Variants in FGGY observed in about 807,000 individuals in gnomAD.
FGGY encodes the protein FGGY carbohydrate kinase domain-containing protein.
Under a neutral mutation model 71.3 loss-of-function variants are expected in FGGY, and 72 were observed. The observed-to-expected ratio is 1.01, with a 90% CI of 0.84 to 1.23. The LOEUF (loss-of-function observed/expected upper bound fraction) is 1.23. Among genes scored for constraint, FGGY ranks in the 50% most tolerant of loss-of-function variants. The pLI, the probability that FGGY is intolerant of heterozygous loss-of-function variation, is 0.00. For synonymous variants in FGGY, 251 were observed against 250.3 expected (o/e 1.00, Z -0.02); for missense variants, 668 against 682.3 (o/e 0.98, Z 0.23).
chr1:59,574,820 C>T (rs1030202098), intron 8 of FGGY, among the ~76,000 whole-genome samples: 2 of 151,898 alleles, frequency 1.3e-5, no homozygotes, highest in African/African-American at 4.8e-5. Flanking sequence ...ATGAATAATA[C>T]CTGTGAGATT....
chr1:59,591,880 C>G (rs1431437904), intron 8 of FGGY, among the ~76,000 whole-genome samples: 1 of 152,130 alleles, frequency 6.6e-6, no homozygotes, highest in East Asian at 1.9e-4. Context: ...TAGGCATGGG[C>G]AAGGACTTCA....
At chr1:59,541,948 A>G (rs935293482) in intron 7 of FGGY, among the ~76,000 whole-genome samples, 1 of 152,200 alleles carries the variant, frequency 6.6e-6, no homozygotes, top group African/African-American at 2.4e-5. Context: ...TAAGAATTAA[A>G]TAAGTTAATT....
intron 5 of FGGY, among the ~76,000 whole-genome samples, chr1:59,417,915 G>A (rs1293959828): frequency 1.3e-5 from 2 of 152,152 alleles, no homozygotes; most frequent in Non-Finnish European, 2.9e-5. Context: ...TGCTGTGTGT[G>A]GATAGTGGCT....
In FGGY at chr1:59,378,799, G is replaced by A. The variant is rs835435; in HGVS notation, c.516G>A (p.Pro172=). The change falls in exon 5 of 16, where the codon CCG becomes CCA. Residue 172 remains proline, a synonymous_variant. Transcript: ENST00000303721. ...AGGCGGGACATTTCTTTGATCTCCC[G>A]GACTTCTTATCGTGGAAGGCAACAG... The part of the protein sequence containing the change: ...WDKAGHFFDL[P]DFLSWKATGV... 0.4 allele frequency: 650,393 copies of A among 1,612,036 alleles called. 134,876 individuals are homozygous for A. The highest frequency in any genetic ancestry group is 0.63 in the African/African-American group (47,518 of 74,832).
intron 5 of FGGY, among the ~76,000 whole-genome samples, chr1:59,423,854 T>A (rs796766235): frequency 1.1e-4 from 17 of 152,352 alleles, no homozygotes; most frequent in African/African-American, 4.1e-4. Flanking sequence ...TATGCATTCT[T>A]TGATTCCTAC....
intron 9 of FGGY, among the ~76,000 whole-genome samples, chr1:59,615,500 A>G (rs2096742136): frequency 6.6e-6 from 1 of 152,334 alleles, no homozygotes; most frequent in African/African-American, 2.4e-5. Context: ...TTAATTCAAG[A>G]TGGATTAAAG....
At chr1:59,486,663 C>G in intron 6 of FGGY, among the ~76,000 whole-genome samples, 1 of 152,180 alleles carries the variant, frequency 6.6e-6, no homozygotes, top group East Asian at 1.9e-4. Context: ...TTCATCCTAG[C>G]TACCTTCTTA....
chr1:59,630,082 A>C (rs1317315443), intron 10 of FGGY, among the ~76,000 whole-genome samples: 1 of 152,078 alleles, frequency 6.6e-6, no homozygotes, highest in Non-Finnish European at 1.5e-5. Context: ...CCTTCTTCAC[A>C]TGGTGGCAAG....
chr1:59,659,392 C>A (rs1426315196), intron 11 of FGGY, among the ~76,000 whole-genome samples: 2 of 152,122 alleles, frequency 1.3e-5, no homozygotes, highest in African/African-American at 4.8e-5. Flanking sequence ...CATGTCCATA[C>A]CTGGTTGAGC....
intron 1 of FGGY, among the ~76,000 whole-genome samples, chr1:59,317,292 T>C (rs1349364940): frequency 1.3e-5 from 2 of 152,190 alleles, no homozygotes; most frequent in African/African-American, 4.8e-5. Flanking sequence ...CGCAAGAGAC[T>C]GTGGTTCAAA....
chr1:59,449,259 T>C (rs1409779332), intron 5 of FGGY, among the ~76,000 whole-genome samples: 6 of 152,272 alleles, frequency 3.9e-5, no homozygotes, highest in African/African-American at 1.4e-4. Context: ...CCACCTCAGC[T>C]TATTATTTGT....
intron 8 of FGGY, among the ~76,000 whole-genome samples, chr1:59,602,990 T>C (rs2096592064): frequency 6.6e-6 from 1 of 152,192 alleles, no homozygotes; most frequent in African/African-American, 2.4e-5. Flanking sequence ...GTGTCTGACA[T>C]ACAGTATGCA....
At chr1:59,701,655 C>T (rs374371139) in intron 14 of FGGY, among the ~76,000 whole-genome samples, 187 of 152,156 alleles carry the variant, frequency 1.2e-3, no homozygotes, top group African/African-American at 4.4e-3. Flanking sequence ...ACAGTTGAGT[C>T]CAGTCAGGAC....
intron 4 of FGGY, among the ~76,000 whole-genome samples, chr1:59,360,127 GTTATTATTA>G (rs200166794): frequency 1.5e-4 from 22 of 145,710 alleles, no homozygotes; most frequent in South Asian, 1.1e-3. Context: ...TTCTATCATT[GTTATTATTA>G]TTATTATTAT....
intron 5 of FGGY, among the ~76,000 whole-genome samples, chr1:59,449,770 C>T (rs1324164614): frequency 1.3e-5 from 2 of 151,940 alleles, no homozygotes; most frequent in Non-Finnish European, 2.9e-5. Context: ...GGAGACCAGC[C>T]TCAGCAACAT....
At chr1:59,424,052 A>G (rs889669090) in intron 5 of FGGY, among the ~76,000 whole-genome samples, 1 of 152,232 alleles carries the variant, frequency 6.6e-6, no homozygotes, top group African/African-American at 2.4e-5. Flanking sequence ...GTAATAACTG[A>G]AGGAGGACTT....
intron 7 of FGGY, among the ~76,000 whole-genome samples, chr1:59,531,400 C>T: frequency 6.6e-6 from 1 of 151,296 alleles, no homozygotes; most frequent in Non-Finnish European, 1.5e-5. Flanking sequence ...ATTTTTTTTT[C>T]TGGCAACAAT....
rs566490046 is a variant in FGGY, at chr1:59,520,422, C to T, written c.799+7983C>T. Among the ~76,000 whole-genome samples the T allele has an allele frequency of 1.2e-3, 187 of 152,284 alleles. 1 individual carries two copies. The highest frequency in any genetic ancestry group is 4.4e-3 in the African/African-American group (182 of 41,556). ...CATCATGCACATTCCACCTCCTTTC[C>T]TTTGTTACTCATCCATCAGCACTCA... is the stretch of plus-strand genomic sequence containing the variant. On this transcript the variant is annotated intron_variant, in intron 7 of 15. Coordinates refer to ENST00000303721, the MANE Select transcript of FGGY (RefSeq NM_018291.5).
intron 5 of FGGY, 27 bp from the exon 6 acceptor site, chr1:59,456,934 C>G: frequency 6.5e-7 from 1 of 1,541,808 alleles, no homozygotes; most frequent in Non-Finnish European, 9.0e-7. Context: ...ATGGTCAGTT[C>G]TATCTATATC....
Sources: gnomAD v4.1 joint callset for allele counts (sites outside exome capture counted in the v4.1 genomes callset) on GRCh38, gnomAD v4.1.1 for gene constraint, MANE v1.5 for transcripts, NCBI Gene and HGNC (gene_info 2026-07-23, HGNC 2026-07-21) for gene names.